Variants in OCA2 observed in about 807,000 individuals in gnomAD.
OCA2 encodes P protein.
OCA2 carries 77 observed loss-of-function variants against 100.2 expected under a neutral mutation model. The ratio of observed to expected loss-of-function variants is 0.77; its 90% CI spans 0.64 to 0.93. The LOEUF (loss-of-function observed/expected upper bound fraction) is 0.93, where lower values mean the gene tolerates loss of function less well. OCA2 is among the 40% of genes least tolerant of loss of function. The pLI is 0.00. For missense variants in OCA2, 1,062 were observed against 1,089.1 expected (o/e 0.98, Z 0.35); for synonymous variants, 432 against 439.2 (o/e 0.98, Z 0.21).
At chr15:27,758,117 C>T (rs2030531975) in intron 23 of OCA2, among the ~76,000 whole-genome samples, 1 of 152,118 alleles carries the variant, frequency 6.6e-6, no homozygotes, top group African/African-American at 2.4e-5. Flanking sequence ...AGAGGCAGAT[C>T]AGCTGGGGAT....
chr15:27,922,680 G>T (rs72712613), intron 19 of OCA2, among the ~76,000 whole-genome samples: 7,682 of 147,256 alleles, frequency 0.052, 417 homozygotes, highest in East Asian at 0.19. Context: ...TTTTGTTTGG[G>T]GTGTGTGTGT....
chr15:27,814,641 G>A (rs2034207745), intron 23 of OCA2, among the ~76,000 whole-genome samples: 1 of 152,176 alleles, frequency 6.6e-6, no homozygotes, highest in Non-Finnish European at 1.5e-5. Context: ...ACATTGGGAG[G>A]CCGAGGCAGG....
chr15:28,013,315 A>G (rs1240371178), intron 9 of OCA2, among the ~76,000 whole-genome samples: 1 of 152,160 alleles, frequency 6.6e-6, no homozygotes, highest in Non-Finnish European at 1.5e-5. Context: ...TGTCAACTAG[A>G]TGGTGGCGCA....
At chr15:27,918,591 T>G (rs2140317012) in intron 19 of OCA2, among the ~76,000 whole-genome samples, 1 of 152,342 alleles carries the variant, frequency 6.6e-6, no homozygotes, top group South Asian at 2.1e-4. Flanking sequence ...GACATTAGTT[T>G]CAGTCACAAA....
chr15:27,721,754 CAAA>C, the OCA2 span, among the ~76,000 whole-genome samples: 1 of 152,148 alleles, frequency 6.6e-6, no homozygotes, highest in East Asian at 1.9e-4. Flanking sequence ...GTGGAAATGA[CAAA>C]AATTTTATTT....
In OCA2 at chr15:27,802,499, A is replaced by C. The variant is rs952149526; in HGVS notation, c.2432+42460T>G. ...CAGGGACCCCAGAATAGCCAAAACA[A>C]CACCAAAAAAACCTGAAAGAACAAA... On this transcript the variant is annotated intron_variant, in intron 23 of 23. Transcript: ENST00000354638. Among the ~76,000 whole-genome samples, 3 of 152,280 alleles carry C rather than the reference A, an allele frequency of 2.0e-5. No homozygotes were observed. The East Asian group carries it at 5.8e-4, about 29-fold the overall frequency.
At chr15:27,870,663 G>A (rs757682787) in intron 21 of OCA2, among the ~76,000 whole-genome samples, 30 of 116,186 alleles carry the variant, frequency 2.6e-4, no homozygotes, top group Non-Finnish European at 2.4e-4. Context: ...CACAATTTTC[G>A]AAAGGAAGGA....
chr15:27,960,163 C>T (rs2040362116), intron 15 of OCA2, among the ~76,000 whole-genome samples: 1 of 152,200 alleles, frequency 6.6e-6, no homozygotes, highest in Non-Finnish European at 1.5e-5. Flanking sequence ...CTCTCCTACC[C>T]TTACCTTCTT....
At chr15:28,066,572 A>G (rs2044030776) in intron 2 of OCA2, among the ~76,000 whole-genome samples, 1 of 152,186 alleles carries the variant, frequency 6.6e-6, no homozygotes, top group South Asian at 2.1e-4. Flanking sequence ...CTAATATAGC[A>G]TCACATGACA....
intron 3 of OCA2, among the ~76,000 whole-genome samples, chr15:28,029,991 C>G (rs2042867081): frequency 6.6e-6 from 1 of 152,246 alleles, no homozygotes; most frequent in East Asian, 1.9e-4. Context: ...AAAATGCTTA[C>G]ACATTAATGG....
At chr15:28,067,384 C>A (rs773422010) in intron 2 of OCA2, among the ~76,000 whole-genome samples, 3 of 151,990 alleles carry the variant, frequency 2.0e-5, no homozygotes, top group Non-Finnish European at 2.9e-5. Flanking sequence ...CTAATTATTT[C>A]TTTGGATTGG....
chr15:27,747,279 A>G, the OCA2 span, among the ~76,000 whole-genome samples: 3 of 152,374 alleles, frequency 2.0e-5, no homozygotes, highest in East Asian at 5.8e-4. Flanking sequence ...CTGTGATTAT[A>G]TACAGCACAA....
intron 9 of OCA2, 147 bp downstream of exon 9, chr15:28,014,625 TAGAG>T (rs1462234394): frequency 9.4e-6 from 8 of 848,520 alleles, no homozygotes; most frequent in Non-Finnish European, 1.5e-5. Context: ...CCTTTCTACC[TAGAG>T]AGAGGGACAC....
At chr15:27,886,340 A>G (rs964846179) in intron 19 of OCA2, among the ~76,000 whole-genome samples, 2 of 152,214 alleles carry the variant, frequency 1.3e-5, no homozygotes, top group African/African-American at 4.8e-5. Context: ...ACAAGGAAAA[A>G]GAGGAAGCAG....
chr15:27,916,144 G>C (rs2038655017), intron 19 of OCA2, among the ~76,000 whole-genome samples: 1 of 152,128 alleles, frequency 6.6e-6, no homozygotes, highest in Non-Finnish European at 1.5e-5. Flanking sequence ...GCTAAACATT[G>C]AGTACACATG....
In OCA2 at chr15:27,990,656, A is replaced by C. The variant is rs755604671; in HGVS notation, c.1045-9T>G. 12 of 1,613,448 alleles carry C rather than the reference A, an allele frequency of 7.4e-6. No homozygotes were observed. The Admixed American group carries it at 8.3e-5, about 11-fold the overall frequency. On this transcript the variant is annotated splice_polypyrimidine_tract_variant and intron_variant, in intron 9 of 23. Transcript: ENST00000354638. ...AGAGTTCTGTGCACGATCTGGAAAG[A>C]AGCACAGGAAATTACCGCGTTCCAG...
intron 1 of OCA2, among the ~76,000 whole-genome samples, chr15:28,092,388 C>T (rs978509131): frequency 2.0e-5 from 3 of 152,204 alleles, no homozygotes; most frequent in African/African-American, 4.8e-5. Context: ...CAGGGTCTCT[C>T]TCTGTAAACC....
chr15:27,814,795 T>C (rs2034214464), intron 23 of OCA2, among the ~76,000 whole-genome samples: 1 of 151,990 alleles, frequency 6.6e-6, no homozygotes, highest in South Asian at 2.1e-4. Flanking sequence ...GGCACAAGAA[T>C]TGCTTGAACC....
In OCA2 at chr15:27,935,400, G is replaced by A. The variant is rs1031342130; in HGVS notation, c.1952-9146C>T. 4.6e-5 allele frequency among the ~76,000 whole-genome samples: 7 copies of A among 152,214 alleles called. No homozygotes were observed. The East Asian group carries it at 5.8e-4, about 13-fold the overall frequency. The stretch of plus-strand genomic sequence containing the variant: ...TCCAACAGAGTCAAGTTTCTATGCC[G>A]AACAAATAGCTAAAGGAGCCTCTTT... On this transcript the variant is annotated intron_variant, in intron 18 of 23. Coordinates refer to ENST00000354638, the MANE Select transcript of OCA2 (RefSeq NM_000275.3).
Sources: allele counts gnomAD v4.1 joint callset (sites outside exome capture counted in the v4.1 genomes callset), GRCh38; gene constraint gnomAD v4.1.1; transcripts MANE v1.5; gene names NCBI Gene and HGNC (gene_info 2026-07-23, HGNC 2026-07-21).